ZC3H3: variants seen among roughly 807,000 people sequenced by gnomAD.
ZC3H3 encodes zinc finger CCCH-type containing 3, also known as zinc finger CCCH domain-containing protein 3.
Under a neutral mutation model 77.3 loss-of-function variants are expected in ZC3H3, and 36 were observed. The observed-to-expected ratio is 0.47, with a 90% CI of 0.36 to 0.61. The LOEUF is 0.61. Ranked by LOEUF, ZC3H3 falls within the 20% of genes least tolerant of loss-of-function variation. The pLI is 0.00. For missense variants in ZC3H3, 1,331 were observed against 1,312.2 expected, an observed-to-expected ratio of 1.01 and a Z score of -0.22; for synonymous variants, 626 against 555.2, an observed-to-expected ratio of 1.13 and a Z score of -1.79.
chr8:143,470,969 C>A (rs185010853), intron 5 of ZC3H3, among the ~76,000 whole-genome samples: 2 of 152,278 alleles, frequency 1.3e-5, no homozygotes, highest in African/African-American at 4.8e-5. Flanking sequence ...CAGCCCCACC[C>A]CCTGCTCGGT....
intron 4 of ZC3H3, among the ~76,000 whole-genome samples, chr8:143,476,651 G>T (rs1430086118): frequency 1.3e-5 from 2 of 152,248 alleles, no homozygotes; most frequent in Non-Finnish European, 2.9e-5. Flanking sequence ...CCCCTGAGGT[G>T]GATACCACAC....
intron 3 of ZC3H3, among the ~76,000 whole-genome samples, chr8:143,527,502 T>C (rs1028483427): frequency 1.3e-5 from 2 of 152,170 alleles, no homozygotes; most frequent in Admixed American, 6.5e-5. Flanking sequence ...ACGCCAGTTC[T>C]GTGAAGTAAT....
intron 4 of ZC3H3, among the ~76,000 whole-genome samples, chr8:143,503,621 ACCACCAC>A: frequency 2.2e-5 from 1 of 44,920 alleles, no homozygotes; most frequent in Non-Finnish European, 4.2e-5. Flanking sequence ...AGCCGGCTCC[ACCACCAC>A]CTCCTCCAGC....
rs1369593342 is a variant in ZC3H3, at chr8:143,494,778, AG to A, written c.1715+12967del. ...TAAGGCTGGCTCAGCAAGGTGGGGA[AG>A]GGGGCCTCCTGCAGTCAAGAATGAG... On this transcript the variant is annotated intron_variant, in intron 4 of 11. Coordinates refer to ENST00000262577, the MANE Select transcript of ZC3H3 (RefSeq NM_015117.3). This position sits in a 1 kb window ranked among gnomAD's most constrained non-coding sequence, Gnocchi z 5.3. Among the ~76,000 whole-genome samples the A allele has an allele frequency of 7.9e-5, 12 of 152,186 alleles. No individual in the cohort carries two copies. The highest frequency in any genetic ancestry group is 1.5e-4 in the Non-Finnish European group (10 of 68,036).
At chr8:143,496,018 C>T (rs776693737) in intron 4 of ZC3H3, among the ~76,000 whole-genome samples, 3 of 152,152 alleles carry the variant, frequency 2.0e-5, no homozygotes, top group Non-Finnish European at 4.4e-5. Flanking sequence ...TGCTTTGCTC[C>T]GTGGTATCTG....
chr8:143,471,147 CGCAGGCA>C (rs1820551411), intron 5 of ZC3H3, among the ~76,000 whole-genome samples: 1 of 152,226 alleles, frequency 6.6e-6, no homozygotes, highest in Non-Finnish European at 1.5e-5. Flanking sequence ...GACCGGGGCA[CGCAGGCA>C]GCCCCAATTC....
At chr8:143,529,429 CA>C (rs1201108048) in intron 3 of ZC3H3, among the ~76,000 whole-genome samples, 4 of 152,200 alleles carry the variant, frequency 2.6e-5, no homozygotes, top group Non-Finnish European at 5.9e-5. Flanking sequence ...CTCTCCAAGG[CA>C]CCGGGAGGCA....
Position 143,538,465 on chromosome 8 carries a change from C to T in ZC3H3, c.902G>A (p.Cys301Tyr). 6.2e-7 allele frequency: 1 copy of T among 1,613,118 alleles called. No homozygotes were observed. Among genetic ancestry groups the T allele is most frequent in the Non-Finnish European group, 8.5e-7 (1 of 1,180,038 alleles). Residue 301 changes from cysteine (C) to tyrosine (Y), a missense_variant, in exon 2 of 12, where the codon TGT becomes TAT. Coordinates refer to ENST00000262577, the MANE Select transcript of ZC3H3 (RefSeq NM_015117.3). ...QAREASLVVTCRTNKFRKNNY... is the reference protein window; with the variant it reads ...QAREASLVVTYRTNKFRKNNY... ...GTTTTTCCGGAACTTGTTAGTTCGA[C>T]AGGTCACAACCAGCGAGGCCTCCCG...
chr8:143,504,863 C>T (rs766702743), intron 4 of ZC3H3, among the ~76,000 whole-genome samples: 4 of 152,222 alleles, frequency 2.6e-5, no homozygotes, highest in Non-Finnish European at 5.9e-5. Context: ...CCTCGTCCAT[C>T]TCCCAGGAGC....
chr8:143,479,057 G>A (rs1820831149), intron 4 of ZC3H3, among the ~76,000 whole-genome samples: 2 of 152,224 alleles, frequency 1.3e-5, no homozygotes, highest in Admixed American at 6.5e-5. Context: ...GAATGGGGCA[G>A]GGCGCTTCCT....
At chr8:143,515,975 C>T (rs529954061) in intron 3 of ZC3H3, among the ~76,000 whole-genome samples, 1 of 152,262 alleles carries the variant, frequency 6.6e-6, no homozygotes, top group Non-Finnish European at 1.5e-5. Context: ...CCAGCCCTGC[C>T]GCTTCCAGCC....
intron 4 of ZC3H3, among the ~76,000 whole-genome samples, chr8:143,501,074 C>A (rs1821512184): frequency 2.0e-5 from 3 of 151,828 alleles, no homozygotes. Flanking sequence ...ATCTCGGCCT[C>A]CCAAAGTTCT....
chr8:143,497,824 C>T (rs1266481591), intron 4 of ZC3H3, among the ~76,000 whole-genome samples: 1 of 152,216 alleles, frequency 6.6e-6, no homozygotes, highest in Non-Finnish European at 1.5e-5. Flanking sequence ...GCCAGCAGCT[C>T]GAGGCCTGGC....
At chr8:143,513,614 T>C (rs1009009327) in intron 3 of ZC3H3, among the ~76,000 whole-genome samples, 2 of 152,222 alleles carry the variant, frequency 1.3e-5, no homozygotes, top group Admixed American at 6.5e-5. Context: ...CCGTGACATA[T>C]GTCTGAGCGG....
At chr8:143,515,437 G>A (rs1337136951) in intron 3 of ZC3H3, among the ~76,000 whole-genome samples, 1 of 152,272 alleles carries the variant, frequency 6.6e-6, no homozygotes, top group East Asian at 1.9e-4. Flanking sequence ...AGACGGCACT[G>A]GCAGGCTGTG....
chr8:143,445,355 T>G (rs1362692315), intron 9 of ZC3H3, among the ~76,000 whole-genome samples: 1 of 141,424 alleles, frequency 7.1e-6, no homozygotes, highest in Admixed American at 7.7e-5. Context: ...TAGTCCAGCC[T>G]GGGCAACAAC....
intron 3 of ZC3H3, among the ~76,000 whole-genome samples, chr8:143,510,952 G>A (rs1212827026): frequency 3.3e-5 from 5 of 152,144 alleles, no homozygotes; most frequent in African/African-American, 9.7e-5. Context: ...CTCTCTGCCC[G>A]CCATCAAGAG....
intron 1 of ZC3H3, among the ~76,000 whole-genome samples, 192 bp from the exon 2 acceptor site, chr8:143,539,512 G>A (rs72691464): frequency 1.7e-3 from 257 of 152,278 alleles, no homozygotes; most frequent in South Asian, 4.3e-3. Flanking sequence ...TGGGCCTGTC[G>A]CTTCTATGAG....
chr8:143,439,843 G>A (rs1268280379), intron 11 of ZC3H3, among the ~76,000 whole-genome samples, 198 bp downstream of exon 11: 1 of 110,998 alleles, frequency 9.0e-6, no homozygotes, highest in Non-Finnish European at 2.0e-5. Flanking sequence ...GGTGAGGGGG[G>A]CCCTGGGGGC....
Sources: allele counts gnomAD v4.1 joint callset (sites outside exome capture counted in the v4.1 genomes callset), GRCh38; gene constraint gnomAD v4.1.1; non-coding constraint Gnocchi (gnomAD v3.1); transcripts MANE v1.5; gene names NCBI Gene and HGNC (gene_info 2026-07-23, HGNC 2026-07-21).